Variants in MAPK8 observed in about 807,000 individuals in gnomAD.
MAPK8 encodes JUN N-terminal kinase.
MAPK8 carries 13 observed loss-of-function variants against 52.9 expected under a neutral mutation model. The observed-to-expected ratio is 0.25, with a 90% CI of 0.16 to 0.39. The LOEUF is 0.39. MAPK8 is among the 10% of genes least tolerant of loss of function. The probability of loss-of-function intolerance (pLI) is 1.00; values close to 1 mark genes in which losing one functional copy is unlikely to be tolerated. For synonymous variants in MAPK8, 191 were observed against 169.8 expected (o/e 1.12, Z -0.97); for missense variants, 300 against 519.2 (o/e 0.58, Z 4.10).
chr10:48,307,357 G>A (rs543001577), intron 1 of MAPK8, among the ~76,000 whole-genome samples: 47 of 152,324 alleles, frequency 3.1e-4, no homozygotes, highest in African/African-American at 1.0e-3. Flanking sequence ...AGGCAGCAGC[G>A]CTGAAAAGGG....
chr10:48,354,734 A>G (rs1047609984), intron 1 of MAPK8, among the ~76,000 whole-genome samples: 18 of 151,620 alleles, frequency 1.2e-4, no homozygotes, highest in African/African-American at 4.4e-4. Flanking sequence ...TGAGAATTTT[A>G]AGCAACCAGC....
rs1424945902 is a variant in MAPK8, at chr10:48,437,011, A to C, written c.*1982A>C. 3.3e-5 allele frequency: 5 copies of C among 152,198 alleles called. No homozygotes were observed. In the East Asian group the frequency reaches 9.6e-4, roughly 29 times the overall value. 9.4% of individuals were successfully genotyped at this position (152,198 alleles called of 1,614,324 possible). ...ACTTTCACAGCAGACATGCTTTCAG[A>C]AGGTTCTCATATTTTATGTTTGATT... On this transcript the variant is annotated 3_prime_UTR_variant, in exon 12 of 12. Transcript: ENST00000374189.
rs890270739 is a variant in MAPK8 at position 48,436,169 on chromosome 10, G to A, written c.*1140G>A. On this transcript the variant is annotated 3_prime_UTR_variant, in exon 12 of 12. Transcript: ENST00000374189. ...ATATACCGTTCATCTGAAAATAGTAGCACACAGCCATATATAGGATATCAT... is the reference window on the plus strand; with the variant it reads ...ATATACCGTTCATCTGAAAATAGTAACACACAGCCATATATAGGATATCAT... 1.3e-5 allele frequency: 2 copies of A among 152,200 alleles called. No homozygotes were observed. The highest frequency in any genetic ancestry group is 6.5e-5 in the Admixed American group (1 of 15,282). 9.4% of individuals were successfully genotyped at this position (152,200 alleles called of 1,614,324 possible).
chr10:48,425,191 GA>G, intron 7 of MAPK8: 1 of 768,306 alleles, frequency 1.3e-6, no homozygotes. Context: ...GGAAGAATGG[GA>G]AAAGGCATAT....
chr10:48,383,023 G>GA (rs569298661), intron 1 of MAPK8, among the ~76,000 whole-genome samples: 176 of 147,724 alleles, frequency 1.2e-3, no homozygotes, highest in Non-Finnish European at 1.9e-3. Context: ...CTCTTTCAAA[G>GA]AAAAAAAAAT....
chr10:48,370,139 T>G (rs1434808335), intron 1 of MAPK8, among the ~76,000 whole-genome samples: 1 of 152,118 alleles, frequency 6.6e-6, no homozygotes, highest in Admixed American at 6.6e-5. Flanking sequence ...ATTGTAATGG[T>G]GAAGAGTGAA....
At chr10:48,429,624 C>G (rs1445413732) in intron 10 of MAPK8, among the ~76,000 whole-genome samples, 1 of 152,136 alleles carries the variant, frequency 6.6e-6, no homozygotes, top group Non-Finnish European at 1.5e-5. Flanking sequence ...CTTAAAAAAT[C>G]CTCTTACTGC....
rs145385204 is a variant in MAPK8, at chr10:48,357,002, TG to T, written c.-49-44609del. 9.6e-3 allele frequency among the ~76,000 whole-genome samples: 1,452 copies of T among 151,904 alleles called. 23 individuals carry two copies. Among genetic ancestry groups the T allele is most frequent in the African/African-American group, 0.034 (1,394 of 41,424 alleles). Reference sequence around the variant, plus strand: ...TAGGTTTTAAAGGCAAAAATCGGATTGTTTTTTGCACTGATAAAAGGTAACA... The same window carrying T: ...TAGGTTTTAAAGGCAAAAATCGGATTTTTTTTGCACTGATAAAAGGTAACA... On this transcript the variant is annotated intron_variant, in intron 1 of 11. Coordinates refer to ENST00000374189, the MANE Select transcript of MAPK8 (RefSeq NM_001323329.2).
At chr10:48,319,646 G>T (rs896803174) in intron 1 of MAPK8, among the ~76,000 whole-genome samples, 1 of 151,346 alleles carries the variant, frequency 6.6e-6, no homozygotes, top group Non-Finnish European at 1.5e-5. Context: ...CCTGCCACTA[G>T]GCCTGGCTAA....
At chr10:48,392,216 G>T (rs2041662411) in intron 1 of MAPK8, among the ~76,000 whole-genome samples, 1 of 152,162 alleles carries the variant, frequency 6.6e-6, no homozygotes, top group South Asian at 2.1e-4. Flanking sequence ...GACCACTTCT[G>T]AAATGAGAGT....
chr10:48,321,089 GTTTTTTT>G (rs34616108), intron 1 of MAPK8, among the ~76,000 whole-genome samples: 1 of 94,002 alleles, frequency 1.1e-5, no homozygotes, highest in African/African-American at 4.4e-5. Context: ...CGTTGTAAGA[GTTTTTTT>G]TTTTTTTTTT....
intron 1 of MAPK8, among the ~76,000 whole-genome samples, chr10:48,379,955 A>AC (rs2040891127): frequency 1.3e-5 from 2 of 151,572 alleles, no homozygotes; most frequent in African/African-American, 4.8e-5. Flanking sequence ...AAAAAAAAAA[A>AC]AAAACAGACT....
chr10:48,383,560 G>A (rs2041139892), intron 1 of MAPK8, among the ~76,000 whole-genome samples: 1 of 152,096 alleles, frequency 6.6e-6, no homozygotes, highest in African/African-American at 2.4e-5. Flanking sequence ...TATCTCAGCT[G>A]GAATGCTGCT....
intron 1 of MAPK8, among the ~76,000 whole-genome samples, chr10:48,326,996 A>G (rs1260880522): frequency 1.3e-5 from 2 of 152,200 alleles, no homozygotes; most frequent in Admixed American, 6.5e-5. Flanking sequence ...TAAGTGGACA[A>G]TCATGTCATC....
chr10:48,431,862 C>T (rs745912788), intron 11 of MAPK8, among the ~76,000 whole-genome samples: 4 of 152,128 alleles, frequency 2.6e-5, no homozygotes, highest in Admixed American at 6.5e-5. Context: ...GTAACATGTA[C>T]ACTAAGTACA....
At chr10:48,353,463 G>T (rs967157307) in intron 1 of MAPK8, among the ~76,000 whole-genome samples, 1 of 152,164 alleles carries the variant, frequency 6.6e-6, no homozygotes, top group Non-Finnish European at 1.5e-5. Flanking sequence ...TTTGACAGAC[G>T]TACAAAAGAG....
At chr10:48,418,419 G>T (rs532694144) in intron 5 of MAPK8, among the ~76,000 whole-genome samples, 1 of 152,238 alleles carries the variant, frequency 6.6e-6, no homozygotes, top group African/African-American at 2.4e-5. Context: ...TGAATGTGTG[G>T]TGCAGATCAT....
chr10:48,410,094 G>C lies in MAPK8; in HGVS notation c.376G>C (p.Glu126Gln). 6.3e-7 allele frequency: 1 copy of C among 1,598,494 alleles called. No individual in the cohort carries two copies. Among genetic ancestry groups the C allele is most frequent in the Non-Finnish European group, 8.5e-7 (1 of 1,173,170 alleles). ...AGTGATTCAGATGGAGCTAGATCAT[G>C]AAAGAATGTCCTACCTTCTCTATCA... The part of the protein sequence containing the change: ...CQVIQMELDH[E>Q]RMSYLLYQML... The change falls in exon 5 of 12, where the codon GAA becomes CAA. Residue 126 changes from glutamate to glutamine, a missense_variant. Physicochemically the swap from Glu to Gln is conservative, Grantham distance 29. Transcript: ENST00000374189.
At chr10:48,344,879 G>A (rs570415552) in intron 1 of MAPK8, among the ~76,000 whole-genome samples, 3 of 152,130 alleles carry the variant, frequency 2.0e-5, no homozygotes, top group South Asian at 2.1e-4. Context: ...TGCATATCTC[G>A]CATTCTGTCT....
Sources: gnomAD v4.1 joint callset for allele counts (sites outside exome capture counted in the v4.1 genomes callset) on GRCh38, gnomAD v4.1.1 for gene constraint, MANE v1.5 for transcripts, NCBI Gene and HGNC (gene_info 2026-07-23, HGNC 2026-07-21) for gene names.